The following DRAM2 variants were observed in gnomAD, a reference collection of about 807,000 sequenced individuals.
DRAM2 encodes the protein DNA damage regulated autophagy modulator 2.
DRAM2 carries 26 observed loss-of-function variants against 33.5 expected under a neutral mutation model. The observed-to-expected ratio is 0.78, with a 90% CI of 0.57 to 1.08. DRAM2 has a LOEUF of 1.08. Among genes scored for constraint, DRAM2 ranks in the 50% least tolerant of loss-of-function variants. The pLI, the probability that DRAM2 is intolerant of heterozygous loss-of-function variation, is 0.00. For synonymous variants in DRAM2, 98 were observed against 109.5 expected (o/e 0.89, Z 0.66); for missense variants, 311 against 318.1 (o/e 0.98, Z 0.17).
At chr1:111,121,503 G>T (rs1210952475) in intron 6 of DRAM2, among the ~76,000 whole-genome samples, 2 of 152,042 alleles carry the variant, frequency 1.3e-5, no homozygotes, top group East Asian at 3.8e-4. Flanking sequence ...ACAGATTTCT[G>T]CTTACTAAAG....
intron 2 of DRAM2, chr1:111,139,242 T>C (rs763554736): frequency 5.9e-5 from 9 of 152,256 alleles, no homozygotes; most frequent in Admixed American, 2.0e-4. Context: ...TACTGATTTA[T>C]AAATTAAAAT....
At chr1:111,128,913 G>T (rs180968629) in intron 4 of DRAM2, among the ~76,000 whole-genome samples, 7 of 152,256 alleles carry the variant, frequency 4.6e-5, no homozygotes, top group African/African-American at 1.7e-4. Flanking sequence ...TGTACCTTCC[G>T]GAGTTACTAA....
At chr1:111,137,364 T>C (rs1029335414) in intron 3 of DRAM2, among the ~76,000 whole-genome samples, 159 bp downstream of exon 3, 3 of 152,136 alleles carry the variant, frequency 2.0e-5, no homozygotes, top group African/African-American at 4.8e-5. Flanking sequence ...ACCTAACAGA[T>C]TGCTGGTGCA....
intron 3 of DRAM2, among the ~76,000 whole-genome samples, chr1:111,132,274 C>G (rs1370202698): frequency 2.6e-5 from 4 of 152,198 alleles, no homozygotes. Context: ...GGATGGCATA[C>G]CCAGAGAGGG....
chr1:111,121,217 G>A (rs642549), intron 6 of DRAM2, among the ~76,000 whole-genome samples: 30,248 of 151,978 alleles, frequency 0.2, 3,134 homozygotes, highest in Middle Eastern at 0.27. Context: ...CAATTTAACT[G>A]TAAATAAAAT....
intron 2 of DRAM2, among the ~76,000 whole-genome samples, chr1:111,138,611 C>T (rs903470128): frequency 2.6e-5 from 4 of 152,138 alleles, no homozygotes; most frequent in African/African-American, 9.7e-5. Context: ...TGGTGACACC[C>T]TGTCTCTACT....
chr1:111,138,556 C>A (rs536743059), intron 2 of DRAM2, among the ~76,000 whole-genome samples: 3 of 152,200 alleles, frequency 2.0e-5, no homozygotes, highest in Admixed American at 2.0e-4. Flanking sequence ...GAGGCCCAGG[C>A]GGGCGGATCA....
At chr1:111,133,381 T>C (rs887515247) in intron 3 of DRAM2, among the ~76,000 whole-genome samples, 2 of 152,176 alleles carry the variant, frequency 1.3e-5, no homozygotes, top group Admixed American at 1.3e-4. Context: ...TTTCACCACG[T>C]TGGCCAGGCT....
At chr1:111,118,922 G>A (rs1649450728) in intron 8 of DRAM2, 25 bp from the exon 9 acceptor site, 1 of 1,527,580 alleles carries the variant, frequency 6.5e-7, no homozygotes. Context: ...AAAAAGAATA[G>A]TTTTGTGAAA....
At chr1:111,132,509 C>A (rs1464658314) in intron 3 of DRAM2, among the ~76,000 whole-genome samples, 1 of 152,086 alleles carries the variant, frequency 6.6e-6, no homozygotes, top group Non-Finnish European at 1.5e-5. Flanking sequence ...GAGCCCTCAA[C>A]CAGTGCGATC....
chr1:111,129,288 C>A (rs1414630552), intron 4 of DRAM2, among the ~76,000 whole-genome samples: 1 of 152,078 alleles, frequency 6.6e-6, no homozygotes. Flanking sequence ...ACAATAGCAA[C>A]AAAATTTGGC....
Position 111,118,909 on chromosome 1 carries a change from G to A in DRAM2, c.601-12C>T. On this transcript the variant is annotated splice_polypyrimidine_tract_variant and intron_variant, in intron 8 of 9. Coordinates refer to ENST00000484310, the MANE Select transcript of DRAM2 (RefSeq NM_001349884.2). The stretch of plus-strand genomic sequence containing the variant: ...TGAAGCACATAACCCTGAGTGATGG[G>A]AAAAAAAGAATAGTTTTGTGAAATT... 1.3e-6 allele frequency: 2 copies of A among 1,562,030 alleles called. No individual in the cohort carries two copies. The highest frequency in any genetic ancestry group is 1.2e-5 in the South Asian group (1 of 85,406).
chr1:111,127,179 TG>T (rs1553229031), intron 4 of DRAM2, among the ~76,000 whole-genome samples: 4 of 152,200 alleles, frequency 2.6e-5, no homozygotes, highest in Non-Finnish European at 4.4e-5. Flanking sequence ...AGCAGGCTAA[TG>T]GGAGATACCC....
At chr1:111,132,688 T>A (rs1481914552) in intron 3 of DRAM2, among the ~76,000 whole-genome samples, 6 of 151,442 alleles carry the variant, frequency 4.0e-5, no homozygotes, top group Non-Finnish European at 5.9e-5. Context: ...TCCTCTTTTT[T>A]TTTTTTTTTT....
At chr1:111,125,560 G>C (rs1422315743) in intron 5 of DRAM2, 2 of 152,238 alleles carry the variant, frequency 1.3e-5, no homozygotes, top group Non-Finnish European at 2.9e-5. Flanking sequence ...AGCAATACAA[G>C]AGATATGCTT....
In DRAM2 at chr1:111,121,849, G is replaced by A. The variant is rs529144303; in HGVS notation, c.340-1156C>T. Among the ~76,000 whole-genome samples, 13 of 151,976 alleles carry A rather than the reference G, an allele frequency of 8.6e-5. No individual in the cohort carries two copies. In the East Asian group the frequency reaches 2.1e-3, roughly 25 times the overall value. On this transcript the variant is annotated intron_variant, in intron 6 of 9. Transcript: ENST00000484310. ...CTGGAGATACAATGGTGAACGTTTC[G>A]AAACCATTGTGCTTATAATTAATAA...
At chr1:111,139,903 C>G (rs990248255) in intron 1 of DRAM2, 135 bp downstream of exon 1, 1 of 152,308 alleles carries the variant, frequency 6.6e-6, no homozygotes, top group Non-Finnish European at 1.5e-5. Flanking sequence ...GTCTCGCGCG[C>G]CTGCGACGCG....
At chr1:111,134,067 G>A (rs1228389279) in intron 3 of DRAM2, among the ~76,000 whole-genome samples, 1 of 152,190 alleles carries the variant, frequency 6.6e-6, no homozygotes, top group Non-Finnish European at 1.5e-5. Context: ...AGCAGGAGCA[G>A]GGGCGGAGAC....
At chr1:111,126,725 T>A (rs1651095306) in intron 4 of DRAM2, among the ~76,000 whole-genome samples, 1 of 152,138 alleles carries the variant, frequency 6.6e-6, no homozygotes, top group African/African-American at 2.4e-5. Context: ...ACTGATCAAT[T>A]TTTAAAAGTA....
Sources: gnomAD v4.1 joint callset for allele counts (sites outside exome capture counted in the v4.1 genomes callset) on GRCh38, gnomAD v4.1.1 for gene constraint, MANE v1.5 for transcripts, NCBI Gene and HGNC (gene_info 2026-07-23, HGNC 2026-07-21) for gene names.